The following RYR3 variants were observed in gnomAD, a reference collection of about 807,000 sequenced individuals.
RYR3 encodes ryanodine receptor 3, also known as brain ryanodine receptor-calcium release channel.
A neutral mutation model predicts 584.3 loss-of-function variants in RYR3; 207 were observed. The observed-to-expected ratio is 0.35, with a 90% confidence interval of 0.32 to 0.40. The LOEUF (loss-of-function observed/expected upper bound fraction) is 0.40. Among genes scored for constraint, RYR3 ranks in the 10% least tolerant of loss-of-function variants. The pLI is 1.00. For missense variants in RYR3, 5,616 were observed against 6,089.2 expected (o/e 0.92, Z 2.59); for synonymous variants, 2,416 against 2,248.5 (o/e 1.07, Z -2.11).
At chr15:33,780,509 A>G (rs1321273209) in intron 65 of RYR3, among the ~76,000 whole-genome samples, 168 bp downstream of exon 65, 1 of 152,190 alleles carries the variant, frequency 6.6e-6, no homozygotes, top group Non-Finnish European at 1.5e-5. Flanking sequence ...CTGGAGAAAT[A>G]AGCATGGGCA....
Position 33,845,044 on chromosome 15 carries a change from G to A in RYR3, c.13479G>A (p.Val4493=), listed in dbSNP as rs1415765876. The A allele has an allele frequency of 6.2e-7, 1 of 1,613,948 alleles. No individual in the cohort carries two copies. The highest frequency in any genetic ancestry group is 2.2e-5 in the East Asian group (1 of 44,882). The change falls in exon 93 of 104, where the codon GTG becomes GTA. Residue 4493 remains valine, a synonymous_variant. Transcript: ENST00000634891. ...CCATCATCTCTCTAGTCTGTGTGGT[G>A]GGCTACTACTGCCTGAAGGTGAGCT... ...IHTIISLVCV[V]GYYCLKVPLV... is the part of the protein sequence containing the mutation.
chr15:33,637,413 G>A (rs1167236218), intron 27 of RYR3, among the ~76,000 whole-genome samples: 1 of 152,260 alleles, frequency 6.6e-6, no homozygotes, highest in Non-Finnish European at 1.5e-5. Flanking sequence ...TATGCCTGGT[G>A]CTTTGCCGCA....
Position 33,540,734 on chromosome 15 carries a change from T to A in RYR3, c.547-57T>A. On this transcript the variant is annotated intron_variant, in intron 6 of 103. Coordinates refer to ENST00000634891, the MANE Select transcript of RYR3 (RefSeq NM_001036.6). ...ATCCTTGAAGTTCTAGGTGAGCTGT[T>A]TCTGTCGGCACTGGACTGGTGATTT... is the stretch of plus-strand genomic sequence containing the variant. 4.7e-6 allele frequency: 5 copies of A among 1,073,740 alleles called. No individual in the cohort carries two copies. The South Asian group carries it at 6.3e-5, about 14-fold the overall frequency. 66.5% of individuals were successfully genotyped at this position (1,073,740 alleles called of 1,614,324 possible).
chr15:33,701,494 G>T (rs182454380), intron 42 of RYR3, among the ~76,000 whole-genome samples: 1 of 152,300 alleles, frequency 6.6e-6, no homozygotes, highest in African/African-American at 2.4e-5. Flanking sequence ...GCTGCCCTCT[G>T]CTGGGAGTGT....
At chr15:33,826,557 C>G (rs779988384) in intron 83 of RYR3, 115 bp from the exon 84 acceptor site, 2 of 969,724 alleles carry the variant, frequency 2.1e-6, no homozygotes, top group African/African-American at 3.2e-5. Context: ...ATCCAAAGTT[C>G]CTTTTCCAAA....
intron 21 of RYR3, among the ~76,000 whole-genome samples, chr15:33,629,062 A>C (rs762422197): frequency 6.6e-6 from 1 of 152,050 alleles, no homozygotes; most frequent in Admixed American, 6.6e-5. Flanking sequence ...TATAACGCCA[A>C]CTCTCTCAAA....
intron 57 of RYR3, among the ~76,000 whole-genome samples, chr15:33,752,335 C>G (rs1596437074): frequency 6.6e-6 from 1 of 152,172 alleles, no homozygotes; most frequent in Non-Finnish European, 1.5e-5. Flanking sequence ...TGGCCATTTT[C>G]TCAATATTGA....
chr15:33,511,344 A>C (rs969436024), intron 3 of RYR3, among the ~76,000 whole-genome samples: 3 of 151,742 alleles, frequency 2.0e-5, no homozygotes, highest in African/African-American at 7.3e-5. Context: ...AAAAAAAAAA[A>C]AAAAAAACTC....
chr15:33,615,481 A>G (rs1219649227), intron 19 of RYR3, among the ~76,000 whole-genome samples: 1 of 152,214 alleles, frequency 6.6e-6, no homozygotes, highest in Non-Finnish European at 1.5e-5. Flanking sequence ...GTATGTTTGT[A>G]TATATACACA....
chr15:33,354,971 G>T (rs1381573469), intron 1 of RYR3, among the ~76,000 whole-genome samples: 1 of 152,070 alleles, frequency 6.6e-6, no homozygotes, highest in Non-Finnish European at 1.5e-5. Flanking sequence ...ATCACTTGAG[G>T]TCAGGAGATT....
At chr15:33,809,447 G>T (rs771560139) in intron 70 of RYR3, among the ~76,000 whole-genome samples, 26 of 152,094 alleles carry the variant, frequency 1.7e-4, no homozygotes, top group Non-Finnish European at 3.4e-4. Flanking sequence ...GAGCAGCTCT[G>T]TGTCTCTGGA....
intron 38 of RYR3, among the ~76,000 whole-genome samples, chr15:33,673,141 A>G (rs1031647934): frequency 6.6e-6 from 1 of 152,228 alleles, no homozygotes; most frequent in Non-Finnish European, 1.5e-5. Context: ...TATCTTGCCT[A>G]CTACATCTGT....
chr15:33,386,455 T>C (rs957078327), intron 1 of RYR3, among the ~76,000 whole-genome samples: 2 of 152,226 alleles, frequency 1.3e-5, no homozygotes, highest in Non-Finnish European at 2.9e-5. Flanking sequence ...TCAAATCAAA[T>C]TGGAGTCATG....
rs76825598 is a variant in RYR3 at position 33,807,369 on chromosome 15, T to C, written c.10012-186T>C. 7.4e-4 allele frequency among the ~76,000 whole-genome samples: 112 copies of C among 152,254 alleles called. 1 individual carries two copies. The East Asian group carries it at 0.02, about 27-fold the overall frequency. On this transcript the variant is annotated intron_variant, in intron 69 of 103. Transcript: ENST00000634891. ...AGTCCTTTGACCAAATTAACTTCCA[T>C]CCTAACCTCCCACTCACTCTTCATG...
chr15:33,476,936 C>T (rs1449409085), intron 2 of RYR3, among the ~76,000 whole-genome samples: 1 of 152,198 alleles, frequency 6.6e-6, no homozygotes, highest in Non-Finnish European at 1.5e-5. Context: ...TCATTCTTTC[C>T]TGCAGTCATT....
intron 1 of RYR3, among the ~76,000 whole-genome samples, chr15:33,406,989 C>T (rs188336920): frequency 2.6e-5 from 4 of 152,310 alleles, no homozygotes; most frequent in Admixed American, 2.0e-4. Flanking sequence ...AGTCCAGAAT[C>T]AAGGCATTGG....
chr15:33,339,595 A>G (rs1971553482), intron 1 of RYR3, among the ~76,000 whole-genome samples: 1 of 152,212 alleles, frequency 6.6e-6, no homozygotes, highest in Non-Finnish European at 1.5e-5. Flanking sequence ...AGAAGGTTAA[A>G]ATTGCCATTA....
chr15:33,455,887 A>G (rs1176209146), intron 1 of RYR3, among the ~76,000 whole-genome samples: 1 of 152,210 alleles, frequency 6.6e-6, no homozygotes, highest in East Asian at 1.9e-4. Context: ...CACGAAGCTC[A>G]AGTCCATCAG....
intron 16 of RYR3, among the ~76,000 whole-genome samples, chr15:33,598,857 T>G (rs919722833): frequency 1.3e-5 from 2 of 151,828 alleles, no homozygotes; most frequent in African/African-American, 2.4e-5. Context: ...ATCGAGACCA[T>G]CCTGGCTAAC....
Sources: gnomAD v4.1 joint callset for allele counts (sites outside exome capture counted in the v4.1 genomes callset) on GRCh38, gnomAD v4.1.1 for gene constraint, MANE v1.5 for transcripts, NCBI Gene and HGNC (gene_info 2026-07-23, HGNC 2026-07-21) for gene names.